Variants in HPSE2 observed in about 807,000 individuals in gnomAD.
HPSE2 encodes inactive heparanase-2.
Under a neutral mutation model 60.5 loss-of-function variants are expected in HPSE2, and 38 were observed. The observed-to-expected ratio is 0.63, with a 90% CI of 0.48 to 0.82. The LOEUF (loss-of-function observed/expected upper bound fraction) is 0.82. Among genes scored for constraint, HPSE2 ranks in the 40% least tolerant of loss-of-function variants. The pLI, the probability that HPSE2 is intolerant of heterozygous loss-of-function variation, is 0.00. For synonymous variants in HPSE2, 295 were observed against 293.2 expected, an observed-to-expected ratio of 1.01 and a Z score of -0.06; for missense variants, 713 against 740.4, an observed-to-expected ratio of 0.96 and a Z score of 0.43.
At chr10:98,598,928 T>G (rs1421192068) in intron 9 of HPSE2, among the ~76,000 whole-genome samples, 7 of 150,490 alleles carry the variant, frequency 4.7e-5, no homozygotes, top group African/African-American at 1.7e-4. Flanking sequence ...GGCTTGGAGA[T>G]TGGGTGTATA....
At chr10:99,051,015 A>G (rs1957978831) in intron 3 of HPSE2, among the ~76,000 whole-genome samples, 1 of 152,184 alleles carries the variant, frequency 6.6e-6, no homozygotes, top group Non-Finnish European at 1.5e-5. Context: ...CCATAAATAT[A>G]TACAGTTATC....
intron 2 of HPSE2, among the ~76,000 whole-genome samples, chr10:99,183,342 G>A (rs1325189476): frequency 1.3e-5 from 2 of 152,138 alleles, no homozygotes; most frequent in African/African-American, 4.8e-5. Context: ...TACTACTGAG[G>A]CAAGGAAAGT....
intron 2 of HPSE2, among the ~76,000 whole-genome samples, chr10:99,160,209 T>C (rs1432081371): frequency 1.3e-5 from 2 of 151,338 alleles, no homozygotes; most frequent in African/African-American, 2.4e-5. Flanking sequence ...ATAAAATATA[T>C]ATAAAGAATG....
chr10:98,724,433 T>C (rs558760118), intron 4 of HPSE2, among the ~76,000 whole-genome samples: 8 of 152,344 alleles, frequency 5.3e-5, no homozygotes, highest in African/African-American at 9.6e-5. Flanking sequence ...GAAAAGAATG[T>C]ATATTCTGTT....
intron 3 of HPSE2, among the ~76,000 whole-genome samples, chr10:99,132,226 AG>A (rs59522744): frequency 4.8e-4 from 22 of 45,710 alleles, no homozygotes; most frequent in South Asian, 1.2e-3. Context: ...AGAGAGAGAG[AG>A]AGAGAGAGAG....
intron 3 of HPSE2, among the ~76,000 whole-genome samples, chr10:98,780,007 C>T (rs1950428686): frequency 6.6e-6 from 1 of 152,008 alleles, no homozygotes; most frequent in African/African-American, 2.4e-5. Context: ...CTCCTTCAAG[C>T]TCAGATTTCT....
At chr10:98,788,483 C>G (rs906224452) in intron 3 of HPSE2, among the ~76,000 whole-genome samples, 1 of 141,250 alleles carries the variant, frequency 7.1e-6, no homozygotes, top group Non-Finnish European at 1.6e-5. Flanking sequence ...CCAGTTCGAG[C>G]TTCCCGGCTG....
chr10:98,610,404 T>C (rs1945720854), intron 9 of HPSE2, among the ~76,000 whole-genome samples: 1 of 152,214 alleles, frequency 6.6e-6, no homozygotes, highest in Non-Finnish European at 1.5e-5. Context: ...AAATGACATC[T>C]GAACAGCGAT....
intron 3 of HPSE2, among the ~76,000 whole-genome samples, chr10:99,052,640 G>T (rs1958016810): frequency 6.6e-6 from 1 of 151,870 alleles, no homozygotes; most frequent in Admixed American, 6.6e-5. Flanking sequence ...CAAACCAAAG[G>T]TAATAAGAAA....
chr10:99,021,003 G>T (rs1259006099), intron 3 of HPSE2, among the ~76,000 whole-genome samples: 2 of 152,146 alleles, frequency 1.3e-5, no homozygotes, highest in African/African-American at 2.4e-5. Flanking sequence ...CAAAGTTAAA[G>T]TAGCAGGACA....
chr10:99,073,215 G>A (rs918684253), intron 3 of HPSE2, among the ~76,000 whole-genome samples: 4 of 152,188 alleles, frequency 2.6e-5, no homozygotes, highest in African/African-American at 9.6e-5. Context: ...GTAAAGACAT[G>A]GAACCATTCA....
chr10:98,776,378 T>C (rs887551728), intron 3 of HPSE2, among the ~76,000 whole-genome samples: 15 of 150,906 alleles, frequency 9.9e-5, no homozygotes, highest in Non-Finnish European at 1.3e-4. Context: ...ACCCAGGAGG[T>C]AGAGGTTGCA....
At chr10:98,585,367 G>T (rs746256152) in intron 9 of HPSE2, among the ~76,000 whole-genome samples, 1 of 151,726 alleles carries the variant, frequency 6.6e-6, no homozygotes, top group East Asian at 2.0e-4. Context: ...CACCTCCCAG[G>T]TTCAAGTGAT....
chr10:98,480,467 A>G (rs1214315227), intron 11 of HPSE2, among the ~76,000 whole-genome samples: 2 of 152,128 alleles, frequency 1.3e-5, no homozygotes, highest in Non-Finnish European at 2.9e-5. Flanking sequence ...ACATATCGCT[A>G]GCTAGTGGGA....
At chr10:98,537,669 C>A (rs375671734) in intron 9 of HPSE2, among the ~76,000 whole-genome samples, 6 of 152,148 alleles carry the variant, frequency 3.9e-5, no homozygotes, top group African/African-American at 1.4e-4. Context: ...CTTGGTCAAG[C>A]GGTAACGCCA....
chr10:99,105,072 A>AT (rs766128113), intron 3 of HPSE2, among the ~76,000 whole-genome samples: 1 of 151,774 alleles, frequency 6.6e-6, no homozygotes, highest in Non-Finnish European at 1.5e-5. Flanking sequence ...AAAAAAAAAA[A>AT]AAAAGAAAAG....
chr10:98,999,575 T>A (rs926444442), intron 3 of HPSE2, among the ~76,000 whole-genome samples: 2 of 152,076 alleles, frequency 1.3e-5, no homozygotes, highest in Admixed American at 1.3e-4. Context: ...CAGTCTGCAA[T>A]GAAGTAATCT....
At chr10:99,095,422 T>C (rs766590444) in intron 3 of HPSE2, among the ~76,000 whole-genome samples, 6 of 152,240 alleles carry the variant, frequency 3.9e-5, no homozygotes, top group Non-Finnish European at 7.3e-5. Flanking sequence ...AATTCTGCTA[T>C]ACTTCAACCA....
intron 3 of HPSE2, among the ~76,000 whole-genome samples, chr10:99,062,840 C>G (rs1046135835): frequency 5.3e-5 from 8 of 152,178 alleles, no homozygotes; most frequent in Non-Finnish European, 8.8e-5. Context: ...CACCCAGAGA[C>G]CATTGCAAAA....
Sources: allele counts gnomAD v4.1 joint callset (sites outside exome capture counted in the v4.1 genomes callset), GRCh38; gene constraint gnomAD v4.1.1; transcripts MANE v1.5; gene names NCBI Gene and HGNC (gene_info 2026-07-23, HGNC 2026-07-21).